The following CHRNB4 variants were observed in gnomAD, a reference collection of about 807,000 sequenced individuals.
CHRNB4 encodes neuronal acetylcholine receptor subunit beta-4.
Under a neutral mutation model 40.4 loss-of-function variants are expected in CHRNB4, and 23 were observed. The ratio of observed to expected loss-of-function variants is 0.57; its 90% confidence interval spans 0.41 to 0.81. The LOEUF is 0.81. Ranked by LOEUF, CHRNB4 falls within the 30% of genes least tolerant of loss-of-function variation. The pLI is 0.00. For missense variants in CHRNB4, 568 were observed against 670.6 expected (o/e 0.85, Z 1.69); for synonymous variants, 285 against 274.4 (o/e 1.04, Z -0.38).
At chr15:78,641,652 GCT>G (rs2054077512), upstream of CHRNB4, among the ~76,000 whole-genome samples, 1 of 152,238 alleles carries the variant, frequency 6.6e-6, no homozygotes, top group Admixed American at 6.5e-5. Flanking sequence ...AGGGAGCGCT[GCT>G]CTCTGCAGAC....
At chr15:78,653,280 C>A (rs2054187803) in intron 5 of CHRNB4, among the ~76,000 whole-genome samples, 1 of 152,200 alleles carries the variant, frequency 6.6e-6, no homozygotes, top group Non-Finnish European at 1.5e-5. Context: ...GTTTCAAATT[C>A]TGGCTTTAAG....
chr15:78,649,507 C>T, intron 6 of CHRNB4: 1 of 423,590 alleles, frequency 2.4e-6, no homozygotes, highest in South Asian at 1.7e-5. Context: ...CAATGCAAAG[C>T]AAAGACTGCA....
Position 78,657,743 on chromosome 15 carries a change from A to G in CHRNB4, c.-760-360T>C, listed in dbSNP as rs572059667. Reference sequence around the variant, plus strand: ...AATTTTTTGTATTTTTAGTAGAGACAGGGTTTCACTGTGTTAGCCAGGATA... The same window carrying G: ...AATTTTTTGTATTTTTAGTAGAGACGGGGTTTCACTGTGTTAGCCAGGATA... On this transcript the variant is annotated intron_variant and NMD_transcript_variant, in intron 2 of 11. Coordinates refer to the CHRNB4 transcript ENST00000559849. 2.1e-3 allele frequency among the ~76,000 whole-genome samples: 324 copies of G among 151,912 alleles called. 1 individual carries two copies. Among genetic ancestry groups the G allele is most frequent in the Non-Finnish European group, 3.7e-3 (250 of 67,944 alleles).
chr15:78,657,073 G>T (rs2054220648), intron 3 of CHRNB4, among the ~76,000 whole-genome samples: 1 of 151,342 alleles, frequency 6.6e-6, no homozygotes, highest in African/African-American at 2.4e-5. Context: ...CACCCAGGCT[G>T]GAGTGCAGTG....
chr15:78,641,083 C>T lies in CHRNB4; in HGVS notation c.51G>A (p.Gly17=). ...CCTTCCCCGAAAAGAACTCACCGCG[C>T]CCGCAAAGGGCGACCAGGAAGAAAA... ...LVLFFLVALC[G]RGNCRVANAE... Residue 17 remains glycine (G), a synonymous_variant, in exon 1 of 6, where the codon GGG becomes GGA. Coordinates refer to ENST00000261751, the MANE Select transcript of CHRNB4 (RefSeq NM_000750.5). 6.3e-7 allele frequency: 1 copy of T among 1,579,938 alleles called. No individual in the cohort carries two copies. The highest frequency in any genetic ancestry group is 1.3e-5 in the African/African-American group (1 of 74,196).
intron 1 of CHRNB4, among the ~76,000 whole-genome samples, chr15:78,636,612 CTT>C (rs377161406): frequency 1.3e-4 from 18 of 143,252 alleles, no homozygotes; most frequent in Admixed American, 1.4e-4. Flanking sequence ...CTGTTTTTTC[CTT>C]TTTTTTTTTT....
chr15:78,654,588 T>A (rs1323547400), intron 5 of CHRNB4, among the ~76,000 whole-genome samples: 1 of 152,180 alleles, frequency 6.6e-6, no homozygotes. Flanking sequence ...ATCAAGAGTA[T>A]CTTCCGTGTA....
intron 7 of CHRNB4, among the ~76,000 whole-genome samples, chr15:78,648,580 C>A (rs2054145999): frequency 6.6e-6 from 1 of 150,996 alleles, no homozygotes; most frequent in Admixed American, 6.6e-5. Context: ...ATGGTGAAAC[C>A]CTGTATCTAC....
chr15:78,629,549 G>A lies in CHRNB4; in HGVS notation c.756C>T (p.Leu252=), dbSNP rs759680703. 3.7e-5 allele frequency: 59 copies of A among 1,614,040 alleles called. No individual in the cohort carries two copies. Among genetic ancestry groups the A allele is most frequent in the Non-Finnish European group, 4.8e-5 (57 of 1,180,028 alleles). The part of the protein sequence containing the change: ...PCVLTTLLAI[L]VFYLPSDCGE... ...CGCAGTCGGATGGCAGGTAGAAGAC[G>A]AGGATGGCCAGCAAGGTGGTGAGCA... The change falls in exon 5 of 6, where the codon CTC becomes CTT. Residue 252 remains leucine (L), a synonymous_variant. Coordinates refer to ENST00000261751, the MANE Select transcript of CHRNB4 (RefSeq NM_000750.5). The surrounding 1 kb of genome is among the most constrained non-coding windows in gnomAD (Gnocchi z 6.8).
upstream of CHRNB4, chr15:78,661,411 G>T: frequency 1.9e-6 from 1 of 522,016 alleles, no homozygotes. Flanking sequence ...TCATCTTCCG[G>T]ATCATCTGAG....
intron 1 of CHRNB4, among the ~76,000 whole-genome samples, chr15:78,638,252 C>A (rs1183113765): frequency 3.9e-5 from 6 of 152,234 alleles, no homozygotes; most frequent in African/African-American, 1.4e-4. Context: ...GGGTGGCTCA[C>A]CTTTGGGCCT....
At chr15:78,640,519 T>C (rs1395800613) in intron 1 of CHRNB4, among the ~76,000 whole-genome samples, 1 of 152,238 alleles carries the variant, frequency 6.6e-6, no homozygotes, top group East Asian at 1.9e-4. Flanking sequence ...CCAGGGCTGC[T>C]GATTTGGGCA....
Position 78,624,926 on chromosome 15 carries a change from T to C in CHRNB4, c.*207A>G. On this transcript the variant is annotated 3_prime_UTR_variant, in exon 6 of 6. Coordinates refer to ENST00000261751, the MANE Select transcript of CHRNB4 (RefSeq NM_000750.5). Reference sequence around the variant, plus strand: ...TGAACTGTCTGAAGCTCCCTCCTACTGGGGCTTCCTGGGATCCCTCCAAGG... The same window carrying C: ...TGAACTGTCTGAAGCTCCCTCCTACCGGGGCTTCCTGGGATCCCTCCAAGG... The C allele has an allele frequency of 6.8e-7, 1 of 1,476,928 alleles. No individual in the cohort carries two copies. The highest frequency in any genetic ancestry group is 9.0e-7 in the Non-Finnish European group (1 of 1,115,506). 91.5% of individuals were successfully genotyped at this position (1,476,928 alleles called of 1,614,324 possible).
intron 1 of CHRNB4, among the ~76,000 whole-genome samples, chr15:78,639,238 A>T (rs994529228): frequency 2.0e-5 from 3 of 152,344 alleles, no homozygotes; most frequent in South Asian, 4.1e-4. Flanking sequence ...TGATTTTTCA[A>T]CTGGGGTGTA....
chr15:78,645,080 C>T (rs748148616), upstream of CHRNB4, among the ~76,000 whole-genome samples: 1 of 152,146 alleles, frequency 6.6e-6, no homozygotes, highest in Non-Finnish European at 1.5e-5. Flanking sequence ...CATACGCAAA[C>T]CAGCCAATCC....
intron 2 of CHRNB4, among the ~76,000 whole-genome samples, chr15:78,633,356 G>T (rs2141380306): frequency 6.6e-6 from 1 of 152,294 alleles, no homozygotes; most frequent in African/African-American, 2.4e-5. Flanking sequence ...TGGCAGTTCT[G>T]CTCTACAAAG....
At chr15:78,652,364 T>G (rs2141409540) in intron 6 of CHRNB4, among the ~76,000 whole-genome samples, 1 of 152,344 alleles carries the variant, frequency 6.6e-6, no homozygotes, top group African/African-American at 2.4e-5. Context: ...ACACAGCAGC[T>G]GAGGCCACAG....
chr15:78,647,041 G>A (rs1596121979), intron 7 of CHRNB4, among the ~76,000 whole-genome samples: 1 of 152,276 alleles, frequency 6.6e-6, no homozygotes, highest in East Asian at 1.9e-4. Context: ...TTAGGAGGCT[G>A]AGGCGGGAGG....
chr15:78,631,082 T>A lies in CHRNB4; in HGVS notation c.353A>T (p.Tyr118Phe), dbSNP rs1206962233. ...KRIWLPDIVL[Y>F]NNADGTYEVS... The stretch of plus-strand genomic sequence containing the variant: ...CACCAACCCTGCCACTCACTTGTTG[T>A]AAAGCACGATGTCAGGCAACCAGAT... Residue 118 changes from tyrosine to phenylalanine, a missense_variant, in exon 4 of 6, where the codon TAC becomes TTC. Coordinates refer to ENST00000261751, the MANE Select transcript of CHRNB4 (RefSeq NM_000750.5). 1 of 1,613,754 alleles carries A rather than the reference T, an allele frequency of 6.2e-7. No homozygotes were observed. The highest frequency in any genetic ancestry group is 8.5e-7 in the Non-Finnish European group (1 of 1,179,762).
Sources: allele counts gnomAD v4.1 joint callset (sites outside exome capture counted in the v4.1 genomes callset), GRCh38; gene constraint gnomAD v4.1.1; non-coding constraint Gnocchi (gnomAD v3.1); transcripts MANE v1.5; gene names NCBI Gene and HGNC (gene_info 2026-07-23, HGNC 2026-07-21).